VSX1: variants seen among roughly 807,000 people sequenced by gnomAD.
VSX1 encodes homeodomain protein RINX.
A neutral mutation model predicts 23.6 loss-of-function variants in VSX1; 23 were observed. That is an observed-to-expected ratio of 0.97 (90% confidence interval 0.70 to 1.38). The LOEUF (loss-of-function observed/expected upper bound fraction) is 1.38, where lower values mean the gene tolerates loss of function less well. VSX1 is among the 40% of genes most tolerant of loss of function. The pLI, the probability that VSX1 is intolerant of heterozygous loss-of-function variation, is 0.00. For missense variants in VSX1, 517 were observed against 495.4 expected (o/e 1.04, Z -0.41); for synonymous variants, 247 against 215.1 (o/e 1.15, Z -1.30).
downstream of VSX1, chr20:25,071,148 AG>A (rs1568859875): frequency 2.2e-6 from 1 of 454,068 alleles, no homozygotes; most frequent in South Asian, 1.6e-5. Context: ...GAATCAGGGC[AG>A]AAAAGCACAG....
Position 25,082,048 on chromosome 20 carries a change from G to A in VSX1, c.49C>T (p.Leu17=). 2.0e-6 allele frequency: 3 copies of A among 1,538,280 alleles called. No individual in the cohort carries two copies. Among genetic ancestry groups the A allele is most frequent in the Non-Finnish European group, 2.6e-6 (3 of 1,148,342 alleles). The change falls in exon 1 of 5, where the codon CTG becomes TTG. Residue 17 remains leucine (L), a synonymous_variant. Transcript: ENST00000376709. ...LSDGRTSSRA[L]VPGGSPRGSR... ...CCCCTAGGGGAACCGCCAGGCACCA[G>A]CGCCCTGCTGCTAGTGCGCCCGTCG...
At chr20:25,074,217 CAT>C (rs759281697), downstream of VSX1, among the ~76,000 whole-genome samples, 7 of 152,174 alleles carry the variant, frequency 4.6e-5, no homozygotes, top group Admixed American at 6.5e-5. Context: ...GTTCTGCTGT[CAT>C]CCCCATTTTA....
rs986585180 is a variant in VSX1 at position 25,078,963 on chromosome 20, C to A, written c.504-11G>T. 2.5e-6 allele frequency: 4 copies of A among 1,613,270 alleles called. No homozygotes were observed. The highest frequency in any genetic ancestry group is 3.4e-6 in the Non-Finnish European group (4 of 1,180,000). On this transcript the variant is annotated splice_polypyrimidine_tract_variant and intron_variant, in intron 2 of 4. Transcript: ENST00000376709. ...GCAGTGAAAACTGTCCTGCAAGGAC[C>A]CCAAAACACACAGGTGGGCACATGT...
chr20:25,081,675 G>A lies in VSX1; in HGVS notation c.422C>T (p.Ser141Phe), dbSNP rs542888769. 9.9e-6 allele frequency: 15 copies of A among 1,518,866 alleles called. No homozygotes were observed. The highest frequency in any genetic ancestry group is 5.1e-5 in the East Asian group (2 of 39,342). 94.1% of individuals were successfully genotyped at this position (1,518,866 alleles called of 1,614,324 possible). The change falls in exon 1 of 5, where the codon TCC becomes TTC. Residue 141 changes from serine to phenylalanine, a missense_variant and splice_region_variant. Physicochemically the swap from Ser to Phe is radical, Grantham distance 155. Coordinates refer to ENST00000376709, the MANE Select transcript of VSX1 (RefSeq NM_014588.6). ...GCGGAAAGCGCGGGCCTGATTACCG[G>A]ACGTGGAGACGCTGTCGCTGCGCTT... is the stretch of plus-strand genomic sequence containing the variant. ...RQKRSDSVSTSDEDSQSEDRN... is the reference protein window; with the variant it reads ...RQKRSDSVSTFDEDSQSEDRN...
At chr20:25,078,653 A>G in intron 3 of VSX1, 176 bp downstream of exon 3, 2 of 1,546,256 alleles carry the variant, frequency 1.3e-6, no homozygotes, top group Non-Finnish European at 1.7e-6. Flanking sequence ...AAAATGAAAA[A>G]AGGCATGAGG....
rs771561481 is a variant in VSX1, at chr20:25,078,931, C to T, written c.525G>A (p.Gln175=). 6.8e-6 allele frequency: 11 copies of T among 1,614,102 alleles called. No individual in the cohort carries two copies. Among genetic ancestry groups the T allele is most frequent in the Non-Finnish European group, 7.6e-6 (9 of 1,180,036 alleles). Residue 175 remains glutamine, a synonymous_variant, in exon 3 of 5, where the codon CAG becomes CAA. Transcript: ENST00000376709. ...RRHRTVFTAH[Q]LEELEKAFSE... The stretch of plus-strand genomic sequence containing the variant: ...TGAATGCCTTCTCCAACTCTTCCAG[C>T]TGGTGAGCAGTGAAAACTGTCCTGC...
chr20:25,079,069 A>T, intron 2 of VSX1, 117 bp from the exon 3 acceptor site: 2 of 1,192,514 alleles, frequency 1.7e-6, no homozygotes, highest in Non-Finnish European at 2.4e-6. Context: ...AAGCCACTTC[A>T]TGATAATGGA....
chr20:25,074,985 G>A (rs139573969), downstream of VSX1, among the ~76,000 whole-genome samples: 1 of 152,198 alleles, frequency 6.6e-6, no homozygotes, highest in Non-Finnish European at 1.5e-5. Context: ...ATTAATACAA[G>A]AACATAGGGC....
chr20:25,078,700 G>A (rs1306283762), intron 3 of VSX1, 129 bp downstream of exon 3: 1 of 1,610,210 alleles, frequency 6.2e-7, no homozygotes, highest in African/African-American at 1.3e-5. Flanking sequence ...CTTCAGCTAA[G>A]GGACCCTCAG....
intron 4 of VSX1, among the ~76,000 whole-genome samples, chr20:25,077,216 C>T (rs1219613034): frequency 1.3e-5 from 2 of 152,154 alleles, no homozygotes; most frequent in Non-Finnish European, 2.9e-5. Context: ...ATCTAAGGGA[C>T]AGAAAAGCCA....
At chr20:25,077,460 G>C (rs558366702) in intron 4 of VSX1, among the ~76,000 whole-genome samples, 1 of 152,234 alleles carries the variant, frequency 6.6e-6, no homozygotes, top group Non-Finnish European at 1.5e-5. Flanking sequence ...GCATAGCCCG[G>C]TGAGACTTCC....
In VSX1 at chr20:25,081,743, G is replaced by T. The variant is rs1237533459; in HGVS notation, c.354C>A (p.Ala118=). ...FLPPRGPEPA[A]PLAPSRPPPA... ...GCGGCGGACGGCTGGGAGCCAGCGG[G>T]GCAGCGGGCTCGGGGCCCCTGGGCG... The change falls in exon 1 of 5, where the codon GCC becomes GCA. Residue 118 remains alanine (A), a synonymous_variant. Transcript: ENST00000376709. 4 of 1,501,154 alleles carry T rather than the reference G, an allele frequency of 2.7e-6. No individual in the cohort carries two copies. The highest frequency in any genetic ancestry group is 3.5e-6 in the Non-Finnish European group (4 of 1,133,044). The allele number at this position is 1,501,154 out of a possible 1,614,324, so 93.0% of individuals were successfully genotyped here. A position where few individuals can be genotyped will look rare whatever the true frequency, so the allele number is the denominator to read the frequency against.
Position 25,076,074 on chromosome 20 carries a change from A to T in VSX1, c.*187T>A. Reference sequence around the variant, plus strand: ...GCCATTAAGGAACCGTTTCCATTCTAGAATGAAATAGAATTTTCCCTAGGT... The same window carrying T: ...GCCATTAAGGAACCGTTTCCATTCTTGAATGAAATAGAATTTTCCCTAGGT... On this transcript the variant is annotated 3_prime_UTR_variant, in exon 5 of 5. Coordinates refer to ENST00000376709, the MANE Select transcript of VSX1 (RefSeq NM_014588.6). The T allele has an allele frequency of 1.3e-6, 1 of 751,914 alleles. No individual in the cohort carries two copies. The allele number at this position is 751,914 out of a possible 1,614,324, so 46.6% of individuals were successfully genotyped here.
At chr20:25,071,811 G>C, downstream of VSX1, 3 of 709,848 alleles carry the variant, frequency 4.2e-6, no homozygotes, top group South Asian at 4.5e-5. Flanking sequence ...GGCAAGTCTG[G>C]TAGCAGTGAT....
rs2089485692 is a variant in VSX1, at chr20:25,076,167, C to A, written c.*94G>T. The A allele has an allele frequency of 7.1e-6, 11 of 1,556,502 alleles. No homozygotes were observed. Among genetic ancestry groups the A allele is most frequent in the East Asian group, 6.7e-5 (3 of 44,550 alleles). On this transcript the variant is annotated 3_prime_UTR_variant, in exon 5 of 5. Coordinates refer to ENST00000376709, the MANE Select transcript of VSX1 (RefSeq NM_014588.6). ...TTGACATTGTCAGAAGAAAATCAAA[C>A]TGAGAGTATATGTCTTGGACAATTT...
At chr20:25,071,036 G>T (rs1488549368), downstream of VSX1, 6 of 453,972 alleles carry the variant, frequency 1.3e-5, no homozygotes, top group African/African-American at 1.2e-4. Context: ...GGAAGGATGG[G>T]TAATGGACAA....
rs756572706 is a variant in VSX1, at chr20:25,081,932, G to T, written c.165C>A (p.Cys55Ter). Residue 55 changes from cysteine (C) to a stop codon, truncating the protein, a stop_gained, in exon 1 of 5, where the codon TGC (cysteine) becomes TGA (stop). Transcript: ENST00000376709. LOFTEE classifies it high-confidence loss of function. Reference sequence around the variant, plus strand: ...GGCACGGCGCGACTGCCGGACCCTCGCAGCCAGATCCCTGTCCTGGGCCAG... The same window carrying T: ...GGCACGGCGCGACTGCCGGACCCTCTCAGCCAGATCCCTGTCCTGGGCCAG... Reference protein sequence around the residue: ...APAGPGQGSGCEGPAVAPCPG... With the variant: ...APAGPGQGSG The T allele has an allele frequency of 1.9e-4, 293 of 1,531,688 alleles. No homozygotes were observed. The highest frequency in any genetic ancestry group is 2.4e-4 in the Non-Finnish European group (274 of 1,145,574). The allele number at this position is 1,531,688 out of a possible 1,614,324, so 94.9% of individuals were successfully genotyped here.
chr20:25,077,439 A>G (rs185518336), intron 4 of VSX1, among the ~76,000 whole-genome samples: 3 of 152,352 alleles, frequency 2.0e-5, no homozygotes, highest in Admixed American at 2.0e-4. Flanking sequence ...TCCCAAATAC[A>G]TATTTAGCAT....
intron 4 of VSX1, among the ~76,000 whole-genome samples, chr20:25,076,871 T>C (rs1298691505): frequency 1.3e-5 from 2 of 152,216 alleles, no homozygotes; most frequent in Non-Finnish European, 2.9e-5. Context: ...ATGAGCCAGT[T>C]TGGGTCACTG....
Sources: gnomAD v4.1 joint callset for allele counts (sites outside exome capture counted in the v4.1 genomes callset) on GRCh38, gnomAD v4.1.1 for gene constraint, MANE v1.5 for transcripts, NCBI Gene and HGNC (gene_info 2026-07-23, HGNC 2026-07-21) for gene names.